Variants in ELP2 observed in about 807,000 individuals in gnomAD.
ELP2 encodes elongator acetyltransferase complex subunit 2.
In ELP2, 90 loss-of-function variants were observed where a neutral mutation model predicts 119.2. That is an observed-to-expected ratio of 0.75 (90% CI 0.64 to 0.90). ELP2 has a LOEUF of 0.90. ELP2 is among the 40% of genes least tolerant of loss of function. ELP2 has a pLI of 0.00. For synonymous variants in ELP2, 339 were observed against 331.0 expected, an observed-to-expected ratio of 1.02 and a Z score of -0.26; for missense variants, 921 against 967.8, an observed-to-expected ratio of 0.95 and a Z score of 0.64.
At chr18:36,154,240 A>G (rs1281231105) in intron 11 of ELP2, among the ~76,000 whole-genome samples, 3 of 152,094 alleles carry the variant, frequency 2.0e-5, no homozygotes, top group African/African-American at 7.2e-5. Flanking sequence ...CAGGCATATG[A>G]CATTTTCTAT....
intron 17 of ELP2, among the ~76,000 whole-genome samples, chr18:36,162,343 CTT>C (rs1266728987): frequency 6.6e-6 from 1 of 151,884 alleles, no homozygotes; most frequent in Non-Finnish European, 1.5e-5. Context: ...GGTTTTGCTT[CTT>C]TCTTTCATCA....
chr18:36,133,243 G>A lies in ELP2; in HGVS notation c.144G>A (p.Arg48=). ...CTGTATTTTCTTCTCTAAAGAAAAG[G>A]GTTGTTGTTACCAACTTGAATGGTC... The part of the protein sequence containing the change: ...CSVVLYDPLK[R]VVVTNLNGHT... Residue 48 remains arginine, a synonymous_variant, in exon 2 of 22, where the codon AGG becomes AGA. Transcript: ENST00000358232. 4 of 1,611,178 alleles carry A rather than the reference G, an allele frequency of 2.5e-6. No homozygotes were observed. The highest frequency in any genetic ancestry group is 3.4e-6 in the Non-Finnish European group (4 of 1,177,418).
intron 11 of ELP2, among the ~76,000 whole-genome samples, chr18:36,146,600 A>G (rs764487512): frequency 1.3e-5 from 2 of 152,160 alleles, no homozygotes; most frequent in Non-Finnish European, 2.9e-5. Flanking sequence ...AGAATTTTTT[A>G]ATGATAATTT....
chr18:36,152,198 A>G (rs2090427395), intron 11 of ELP2, among the ~76,000 whole-genome samples: 1 of 2,104 alleles, frequency 4.8e-4, no homozygotes, highest in Non-Finnish European at 5.4e-3. Context: ...CCCTATCTCA[A>G]AAAAAAAAAA....
At position 36,146,267 on chromosome 18, in the gene ELP2, A is replaced by G; in HGVS notation, c.1011A>G (p.Val337=). 1.9e-6 allele frequency: 3 copies of G among 1,614,110 alleles called. No homozygotes were observed. The highest frequency in any genetic ancestry group is 2.5e-6 in the Non-Finnish European group (3 of 1,179,968). Residue 337 remains valine, a synonymous_variant, in exon 11 of 22, where the codon GTA becomes GTG. Transcript: ENST00000358232. ...TTGTACAGGTTCGAGTAGGTGAAGTAGGTGGGAATACTTTGGGATTTTATG... is the reference window on the plus strand; with the variant it reads ...TTGTACAGGTTCGAGTAGGTGAAGTGGGTGGGAATACTTTGGGATTTTATG... The part of the protein sequence containing the change: ...VWLEQVRVGE[V]GGNTLGFYDC...
At chr18:36,155,662 C>T (rs901785032) in intron 12 of ELP2, among the ~76,000 whole-genome samples, 1 of 152,136 alleles carries the variant, frequency 6.6e-6, no homozygotes, top group Non-Finnish European at 1.5e-5. Flanking sequence ...CCTCAGCCTC[C>T]CAAGTAACTA....
At chr18:36,142,787 A>G in intron 7 of ELP2, 39 bp from the exon 8 acceptor site, 2 of 1,398,704 alleles carry the variant, frequency 1.4e-6, no homozygotes, top group Admixed American at 3.6e-5. Flanking sequence ...ACTTCACAAT[A>G]TAATGTTTTA....
intron 16 of ELP2, 23 bp from the exon 17 acceptor site, chr18:36,160,909 C>T: frequency 1.3e-6 from 2 of 1,543,570 alleles, no homozygotes; most frequent in Non-Finnish European, 1.8e-6. Context: ...GCTAATAGTA[C>T]TTTTTTTCTT....
At chr18:36,152,620 C>T (rs1023097137) in intron 11 of ELP2, among the ~76,000 whole-genome samples, 2 of 152,194 alleles carry the variant, frequency 1.3e-5, no homozygotes, top group African/African-American at 4.8e-5. Flanking sequence ...GTTAGGCAGT[C>T]CCCATTTTTG....
chr18:36,158,965 C>T (rs2090650095), intron 14 of ELP2, 61 bp downstream of exon 14: 2 of 1,122,640 alleles, frequency 1.8e-6, no homozygotes, highest in African/African-American at 3.1e-5. Flanking sequence ...CAGTCATACA[C>T]TTGTGTAATG....
rs1282343292 is a variant in ELP2 at position 36,129,937 on chromosome 18, G to T, written c.4G>T (p.Val2Leu). Residue 2 changes from valine (V) to leucine (L), a missense_variant, in exon 1 of 22, where the codon GTG becomes TTG. Transcript: ENST00000358232. M[V>L]APVLETSHVF... ...GTGCGGCTGACCAGTTGGCGACATGGTGGCACCCGTGCTGGAGACTTCTCA... is the reference window on the plus strand; with the variant it reads ...GTGCGGCTGACCAGTTGGCGACATGTTGGCACCCGTGCTGGAGACTTCTCA... The T allele has an allele frequency of 1.2e-6, 2 of 1,614,222 alleles. No homozygotes were observed. The highest frequency in any genetic ancestry group is 1.7e-5 in the Admixed American group (1 of 60,032).
Position 36,138,928 on chromosome 18 carries a change from T to G in ELP2, c.523+56T>G, listed in dbSNP as rs189035462. The G allele has an allele frequency of 2.5e-4, 320 of 1,304,410 alleles. 1 individual carries two copies. In the African/African-American group the frequency reaches 4.2e-3, roughly 17 times the overall value. The allele number at this position is 1,304,410 out of a possible 1,614,324, so 80.8% of individuals were successfully genotyped here. A position where few individuals can be genotyped will look rare whatever the true frequency, so the allele number is the denominator to read the frequency against. On this transcript the variant is annotated intron_variant, in intron 5 of 21. Coordinates refer to ENST00000358232, the MANE Select transcript of ELP2 (RefSeq NM_018255.4). ...GGCAGTATATTTGCATACTGTCATA[T>G]GATTAGAACCTAAAAGAAATGTATT... is the stretch of plus-strand genomic sequence containing the variant.
At chr18:36,141,374 A>C in intron 6 of ELP2, 173 bp downstream of exon 6, 1 of 631,056 alleles carries the variant, frequency 1.6e-6, no homozygotes, top group Non-Finnish European at 2.9e-6. Flanking sequence ...CTGAACACCA[A>C]GTAACCGCTG....
In ELP2 at chr18:36,170,119, C is replaced by G. The variant is rs2091033555; in HGVS notation, c.2133C>G (p.Gly711=). ...STDDCIEHNI[G]PCSSVLDVGG... ...ATGACTGTATTGAGCACAACATTGG[C>G]CCCTGCTCCTCAGTCCTGGACGTGG... The change falls in exon 20 of 22, where the codon GGC becomes GGG. Residue 711 remains glycine (G), a synonymous_variant. Coordinates refer to ENST00000358232, the MANE Select transcript of ELP2 (RefSeq NM_018255.4). 6.2e-7 allele frequency: 1 copy of G among 1,613,852 alleles called. No homozygotes were observed. Among genetic ancestry groups the G allele is most frequent in the Non-Finnish European group, 8.5e-7 (1 of 1,179,974 alleles).
intron 11 of ELP2, among the ~76,000 whole-genome samples, chr18:36,153,864 TCAA>T (rs150595065): frequency 0.013 from 2,022 of 151,772 alleles, 41 homozygotes; most frequent in African/African-American, 0.047. Context: ...CCCCCACACA[TCAA>T]CTTGTAGCCT....
chr18:36,174,823 A>G lies in ELP2; in HGVS notation c.*182A>G. The G allele has an allele frequency of 1.7e-6, 1 of 596,412 alleles. No homozygotes were observed. The allele number at this position is 596,412 out of a possible 1,614,324, so 36.9% of individuals were successfully genotyped here. On this transcript the variant is annotated 3_prime_UTR_variant, in exon 22 of 22. Coordinates refer to ENST00000358232, the MANE Select transcript of ELP2 (RefSeq NM_018255.4). ...GCGATTCTCTTTCTTCAGCCTCCTG[A>G]GTAGCTGGGACTAGAGGCACACCAC...
chr18:36,142,221 A>G (rs1375641060), intron 6 of ELP2, 60 bp from the exon 7 acceptor site: 35 of 1,343,556 alleles, frequency 2.6e-5, no homozygotes, highest in Non-Finnish European at 3.6e-5. Flanking sequence ...AAATGATGTC[A>G]CTGGTATACA....
chr18:36,152,679 C>T (rs1568000530), intron 11 of ELP2, among the ~76,000 whole-genome samples: 1 of 152,202 alleles, frequency 6.6e-6, no homozygotes, highest in African/African-American at 2.4e-5. Flanking sequence ...CCTGGCTGGC[C>T]GTTCCCTCAG....
At chr18:36,147,098 T>C (rs1464500940) in intron 11 of ELP2, among the ~76,000 whole-genome samples, 1 of 151,102 alleles carries the variant, frequency 6.6e-6, no homozygotes, top group Non-Finnish European at 1.5e-5. Context: ...TTTTTTTTTT[T>C]TTTTCTTTTA....
Sources: allele counts gnomAD v4.1 joint callset (sites outside exome capture counted in the v4.1 genomes callset), GRCh38; gene constraint gnomAD v4.1.1; transcripts MANE v1.5; gene names NCBI Gene and HGNC (gene_info 2026-07-23, HGNC 2026-07-21).